CDK8: variants seen among roughly 807,000 people sequenced by gnomAD.
The protein encoded by CDK8 is cyclin-dependent kinase 8.
A neutral mutation model predicts 71.5 loss-of-function variants in CDK8; 29 were observed. The ratio of observed to expected loss-of-function variants is 0.41; its 90% CI spans 0.30 to 0.55. The LOEUF (loss-of-function observed/expected upper bound fraction) is 0.55. Ranked by LOEUF, CDK8 falls within the 20% of genes least tolerant of loss-of-function variation. CDK8 has a pLI of 0.37. For synonymous variants in CDK8, 161 were observed against 192.1 expected, an observed-to-expected ratio of 0.84 and a Z score of 1.34; for missense variants, 288 against 572.6, an observed-to-expected ratio of 0.50 and a Z score of 5.07.
chr13:26,289,596 G>A (rs1238088746), intron 1 of CDK8, among the ~76,000 whole-genome samples: 1 of 152,114 alleles, frequency 6.6e-6, no homozygotes, highest in Non-Finnish European at 1.5e-5. Flanking sequence ...TGTGGCCCAG[G>A]CTGCAGTGCA....
At chr13:26,312,422 G>T (rs1874329146) in intron 1 of CDK8, among the ~76,000 whole-genome samples, 1 of 152,154 alleles carries the variant, frequency 6.6e-6, no homozygotes, top group Admixed American at 6.5e-5. Flanking sequence ...CACCGTGAGG[G>T]TCTGCGGCTT....
At position 26,344,512 on chromosome 13, in the gene CDK8, C is replaced by A. The variant is rs867925905; in HGVS notation, c.205-4560C>A. 7.9e-5 allele frequency among the ~76,000 whole-genome samples: 12 copies of A among 152,270 alleles called. No homozygotes were observed. The Middle Eastern group carries it at 0.014, about 173-fold the overall frequency. ...TGGTGGCTTATGCCTGTAATCACAACAGTTTTGGGAGGCCGAGGTGGACAG... is the reference window on the plus strand; with the variant it reads ...TGGTGGCTTATGCCTGTAATCACAAAAGTTTTGGGAGGCCGAGGTGGACAG... On this transcript the variant is annotated intron_variant, in intron 2 of 12. Transcript: ENST00000381527.
At chr13:26,278,950 T>C (rs1311035150) in intron 1 of CDK8, among the ~76,000 whole-genome samples, 1 of 152,170 alleles carries the variant, frequency 6.6e-6, no homozygotes, top group Non-Finnish European at 1.5e-5. Flanking sequence ...CAAAAGACGA[T>C]TTAAAGTATA....
At chr13:26,339,755 A>AT (rs68071862) in intron 2 of CDK8, among the ~76,000 whole-genome samples, 1,704 of 120,416 alleles carry the variant, frequency 0.014, 22 homozygotes, top group East Asian at 0.037. Flanking sequence ...CTTAAAAAAA[A>AT]AATATATATA....
At chr13:26,270,405 TACACAC>T (rs1181433454) in intron 1 of CDK8, among the ~76,000 whole-genome samples, 4 of 143,810 alleles carry the variant, frequency 2.8e-5, no homozygotes, top group African/African-American at 1.1e-4. Context: ...AAAAAAAAAA[TACACAC>T]ACACACACAT....
chr13:26,274,556 C>T (rs756575168), intron 1 of CDK8, among the ~76,000 whole-genome samples: 6 of 151,658 alleles, frequency 4.0e-5, no homozygotes, highest in East Asian at 1.9e-4. Context: ...CTCAGCCTCC[C>T]GAGTAGCTGG....
intron 1 of CDK8, among the ~76,000 whole-genome samples, chr13:26,270,879 T>C (rs772665498): frequency 2.0e-5 from 3 of 152,238 alleles, no homozygotes; most frequent in Non-Finnish European, 4.4e-5. Flanking sequence ...TGTTTAACTT[T>C]TTGAGTAGCC....
At chr13:26,295,491 A>G (rs1212539424) in intron 1 of CDK8, among the ~76,000 whole-genome samples, 1 of 152,194 alleles carries the variant, frequency 6.6e-6, no homozygotes, top group Non-Finnish European at 1.5e-5. Context: ...TGATTGGAAT[A>G]TGGCTGGGTA....
At chr13:26,344,758 A>G (rs1372735154) in intron 2 of CDK8, among the ~76,000 whole-genome samples, 1 of 152,042 alleles carries the variant, frequency 6.6e-6, no homozygotes, top group Non-Finnish European at 1.5e-5. Context: ...AAAAAAAAAA[A>G]AATTCTTTGG....
chr13:26,254,276 T>A lies in CDK8; in HGVS notation c.-366T>A, dbSNP rs1048544044. On this transcript the variant is annotated 5_prime_UTR_variant, in exon 1 of 13. Transcript: ENST00000381527. This position sits in a 1 kb window ranked among gnomAD's most constrained non-coding sequence, Gnocchi z 6.7. ...AGAGCCCGCCTGGCCGCCCCGCCGCTCCCGCCGCAGCAGGAGCAGAACGCG... is the reference window on the plus strand; with the variant it reads ...AGAGCCCGCCTGGCCGCCCCGCCGCACCCGCCGCAGCAGGAGCAGAACGCG... The A allele has an allele frequency of 3.6e-6, 1 of 276,086 alleles. No homozygotes were observed. The highest frequency in any genetic ancestry group is 5.5e-5 in the Admixed American group (1 of 18,078). The allele number at this position is 276,086 out of a possible 1,614,324, so 17.1% of individuals were successfully genotyped here. A position where few individuals can be genotyped will look rare whatever the true frequency, so the allele number is the denominator to read the frequency against.
At chr13:26,366,865 T>C (rs925716954) in intron 4 of CDK8, among the ~76,000 whole-genome samples, 1 of 152,216 alleles carries the variant, frequency 6.6e-6, no homozygotes, top group African/African-American at 2.4e-5. Flanking sequence ...TGAAATAAGA[T>C]CATTTTTTGT....
chr13:26,387,722 C>T (rs1322774825), intron 6 of CDK8, among the ~76,000 whole-genome samples: 6 of 152,220 alleles, frequency 3.9e-5, no homozygotes, highest in African/African-American at 1.4e-4. Context: ...TCTGAACTGT[C>T]TTGTCTGCCT....
chr13:26,339,618 G>C (rs1382383247), intron 2 of CDK8, among the ~76,000 whole-genome samples: 2 of 147,614 alleles, frequency 1.4e-5, no homozygotes, highest in Non-Finnish European at 3.0e-5. Context: ...TAAAAAGCTT[G>C]TTGAGATTAT....
intron 2 of CDK8, among the ~76,000 whole-genome samples, chr13:26,341,314 A>T (rs1192955820): frequency 6.6e-6 from 1 of 152,108 alleles, no homozygotes; most frequent in African/African-American, 2.4e-5. Context: ...TTTAGTAGAG[A>T]TGGGGTTTCA....
At position 26,369,705 on chromosome 13, in the gene CDK8, CTTTCTT is replaced by C. The variant is rs1407128358; in HGVS notation, c.457-13105_457-13100del. 4.6e-4 allele frequency among the ~76,000 whole-genome samples: 33 copies of C among 71,752 alleles called. No homozygotes were observed. The Admixed American group carries it at 8.2e-3, about 18-fold the overall frequency. 47.1% of individuals were successfully genotyped at this position (71,752 alleles called of 152,430 possible). On this transcript the variant is annotated intron_variant, in intron 4 of 12. Transcript: ENST00000381527. ...CACCATGCCCGGCTAATTTTTCTTT[CTTTCTT>C]TTTTTTTTTTTTTTTTTTGTATTTT...
At chr13:26,279,239 A>G (rs1453411454) in intron 1 of CDK8, among the ~76,000 whole-genome samples, 1 of 152,226 alleles carries the variant, frequency 6.6e-6, no homozygotes, top group Non-Finnish European at 1.5e-5. Context: ...CTCTCAGTGT[A>G]AAAATTGATT....
At chr13:26,353,509 T>C (rs1460491892) in intron 3 of CDK8, among the ~76,000 whole-genome samples, 1 of 152,184 alleles carries the variant, frequency 6.6e-6, no homozygotes, top group Non-Finnish European at 1.5e-5. Flanking sequence ...TCTGATTCCC[T>C]ATTGTGATAA....
Position 26,271,806 on chromosome 13 carries a change from CTTTTTTTTTTTTTTTTT to C in CDK8, c.128+17057_128+17073del, listed in dbSNP as rs58160694. On this transcript the variant is annotated intron_variant, in intron 1 of 12. Transcript: ENST00000381527. Reference sequence around the variant, plus strand: ...CCTGGGGGACAGAGTGAGACCCTGTCTTTTTTTTTTTTTTTTTTTTTTTTTTTTTTTTTTTTAAGAGA... The same window carrying C: ...CCTGGGGGACAGAGTGAGACCCTGTCTTTTTTTTTTTTTTTTTTTAAGAGA... Among the ~76,000 whole-genome samples, 86 of 62,672 alleles carry C rather than the reference CTTTTTTTTTTTTTTTTT, an allele frequency of 1.4e-3. 1 individual carries two copies. The highest frequency in any genetic ancestry group is 5.3e-3 in the African/African-American group (61 of 11,548). The allele number at this position is 62,672 out of a possible 152,430, so 41.1% of individuals were successfully genotyped here. A position where few individuals can be genotyped will look rare whatever the true frequency, so the allele number is the denominator to read the frequency against.
intron 1 of CDK8, among the ~76,000 whole-genome samples, chr13:26,263,699 A>G (rs1282443591): frequency 7.2e-6 from 1 of 139,322 alleles, no homozygotes; most frequent in African/African-American, 2.7e-5. Context: ...TCGGCCTCCC[A>G]AAGTGCTGGG....
Sources: gnomAD v4.1 joint callset for allele counts (sites outside exome capture counted in the v4.1 genomes callset) on GRCh38, gnomAD v4.1.1 for gene constraint, Gnocchi (gnomAD v3.1) non-coding constraint, MANE v1.5 for transcripts, NCBI Gene and HGNC (gene_info 2026-07-23, HGNC 2026-07-21) for gene names.